Variants in ANKRD31 observed in about 807,000 individuals in gnomAD.
ANKRD31 encodes the protein ankyrin repeat domain 31.
A neutral mutation model predicts 186.0 loss-of-function variants in ANKRD31; 147 were observed. The observed-to-expected ratio is 0.79, with a 90% CI of 0.69 to 0.91. ANKRD31 has a LOEUF of 0.91. ANKRD31 is among the 40% of genes least tolerant of loss of function. The probability of loss-of-function intolerance (pLI) is 0.00; values close to 1 mark genes in which losing one functional copy is unlikely to be tolerated. For missense variants in ANKRD31, 1,986 were observed against 2,148.8 expected (o/e 0.92, Z 1.50); for synonymous variants, 673 against 736.4 (o/e 0.91, Z 1.39).
At chr5:75,084,441 T>C in intron 23 of ANKRD31, 67 bp from the exon 24 acceptor site, 5 of 1,167,012 alleles carry the variant, frequency 4.3e-6, no homozygotes, top group East Asian at 5.1e-5. Context: ...ACCTATGTCC[T>C]GAACATTGTA....
At chr5:75,227,807 G>A (rs1201436012) in intron 2 of ANKRD31, among the ~76,000 whole-genome samples, 3 of 152,222 alleles carry the variant, frequency 2.0e-5, no homozygotes, top group Non-Finnish European at 4.4e-5. Context: ...GTAAGCAGCA[G>A]GCAAGCCAGC....
intron 11 of ANKRD31, among the ~76,000 whole-genome samples, chr5:75,159,560 G>T (rs1323559655): frequency 1.3e-5 from 2 of 151,620 alleles, no homozygotes; most frequent in African/African-American, 2.4e-5. Flanking sequence ...ATGAGGTCCA[G>T]AGACAATGGG....
intron 7 of ANKRD31, 61 bp downstream of exon 7, chr5:75,195,570 G>T: frequency 1.5e-6 from 2 of 1,352,788 alleles, no homozygotes; most frequent in Non-Finnish European, 2.0e-6. Flanking sequence ...TTGTCCTATA[G>T]CTCAGCTAAC....
intron 19 of ANKRD31, among the ~76,000 whole-genome samples, chr5:75,114,578 C>T (rs949950586): frequency 1.9e-4 from 29 of 151,892 alleles, no homozygotes; most frequent in Admixed American, 5.3e-4. Flanking sequence ...ATACAATCAA[C>T]GTACAAAAAT....
At position 75,104,248 on chromosome 5, in the gene ANKRD31, T is replaced by C. The variant is rs1358904342; in HGVS notation, c.5311A>G (p.Ile1771Val). The part of the protein sequence containing the change: ...LLGRINPGNN[I>V]LEFKTQETTH... ...AATACCTGTGTTTTGAATTCCAGAA[T>C]GTTATTTCCTGGGTTAATTCTTCCT... Residue 1771 changes from isoleucine (I) to valine (V), a missense_variant, in exon 22 of 26, where the codon ATT (isoleucine) becomes GTT (valine). By Grantham distance (29) the Ile-to-Val change is conservative. Transcript: ENST00000506364. 1.3e-6 allele frequency: 2 copies of C among 1,508,078 alleles called. No individual in the cohort carries two copies. Among genetic ancestry groups the C allele is most frequent in the East Asian group, 2.5e-5 (1 of 40,614 alleles). 93.4% of individuals were successfully genotyped at this position (1,508,078 alleles called of 1,614,324 possible).
intron 11 of ANKRD31, among the ~76,000 whole-genome samples, chr5:75,154,733 T>C (rs930740863): frequency 6.6e-6 from 1 of 152,026 alleles, no homozygotes; most frequent in Non-Finnish European, 1.5e-5. Flanking sequence ...AGTTAGCAAA[T>C]ACACCAAGAA....
chr5:75,172,365 T>TAA (rs35258134), intron 10 of ANKRD31, among the ~76,000 whole-genome samples: 164 of 145,440 alleles, frequency 1.1e-3, no homozygotes, highest in African/African-American at 2.9e-3. Context: ...AAACTCTATT[T>TAA]AAAAAAAAAA....
Position 75,188,603 on chromosome 5 carries a change from C to T in ANKRD31, c.1454G>A (p.Arg485Lys). The change falls in exon 10 of 26, where the codon AGA (arginine) becomes AAA (lysine). Residue 485 changes from arginine to lysine, a missense_variant. Arg to Lys is a conservative substitution (Grantham distance 26). Transcript: ENST00000506364. ...TACTAAGTTCTCTCCAAAAATGTTT[C>T]TCCGGTTAATGCTATGAAGAGATAT... Reference protein sequence around the residue: ...NKISLHSINRRNIFGENLVYK... With the variant: ...NKISLHSINRKNIFGENLVYK... 1 of 1,535,956 alleles carries T rather than the reference C, an allele frequency of 6.5e-7. No homozygotes were observed. The highest frequency in any genetic ancestry group is 8.7e-7 in the Non-Finnish European group (1 of 1,146,300).
At chr5:75,214,885 T>C (rs1212924767) in intron 3 of ANKRD31, among the ~76,000 whole-genome samples, 1 of 152,226 alleles carries the variant, frequency 6.6e-6, no homozygotes, top group Admixed American at 6.5e-5. Flanking sequence ...AGACCAGTGA[T>C]GCCCACTGTA....
chr5:75,209,452 G>A (rs1423513253), intron 4 of ANKRD31, among the ~76,000 whole-genome samples: 1 of 135,392 alleles, frequency 7.4e-6, no homozygotes. Context: ...CCAGGCAGGT[G>A]GATCACTTGA....
chr5:75,082,618 T>C (rs752803672), intron 24 of ANKRD31, among the ~76,000 whole-genome samples: 12 of 152,344 alleles, frequency 7.9e-5, no homozygotes, highest in Non-Finnish European at 1.6e-4. Context: ...AGGGTATTAG[T>C]TTACTCTAAT....
intron 10 of ANKRD31, among the ~76,000 whole-genome samples, chr5:75,179,449 C>G (rs1754096203): frequency 1.3e-5 from 2 of 152,118 alleles, no homozygotes; most frequent in Non-Finnish European, 2.9e-5. Context: ...AATTTTAGAC[C>G]AATATCCTTG....
chr5:75,076,873 C>A (rs6865346), intron 25 of ANKRD31, among the ~76,000 whole-genome samples: 1 of 152,038 alleles, frequency 6.6e-6, no homozygotes. Context: ...TATCATATCA[C>A]AATTCTGGAT....
At chr5:75,211,533 G>A (rs1481083824) in intron 3 of ANKRD31, among the ~76,000 whole-genome samples, 2 of 152,142 alleles carry the variant, frequency 1.3e-5, no homozygotes, top group African/African-American at 4.8e-5. Context: ...AATCATTAAG[G>A]TGATTCTATG....
At chr5:75,156,458 C>T (rs1014173946) in intron 11 of ANKRD31, among the ~76,000 whole-genome samples, 18 of 152,116 alleles carry the variant, frequency 1.2e-4, no homozygotes, top group Non-Finnish European at 4.4e-5. Context: ...AAAGTTCCTC[C>T]GCACTTATCG....
At chr5:75,105,826 A>G (rs1021482452) in intron 21 of ANKRD31, among the ~76,000 whole-genome samples, 2 of 152,158 alleles carry the variant, frequency 1.3e-5, no homozygotes, top group African/African-American at 4.8e-5. Flanking sequence ...CTACCGAGGA[A>G]AGCATCATTC....
chr5:75,177,906 G>A (rs903777923), intron 10 of ANKRD31, among the ~76,000 whole-genome samples: 1 of 152,052 alleles, frequency 6.6e-6, no homozygotes, highest in Non-Finnish European at 1.5e-5. Flanking sequence ...ATGTAAATGG[G>A]CTAAATGCTC....
At chr5:75,116,484 G>T (rs1748279570) in intron 19 of ANKRD31, 82 bp downstream of exon 19, 1 of 598,570 alleles carries the variant, frequency 1.7e-6, no homozygotes, top group Non-Finnish European at 2.5e-6. Context: ...GGAAAGTACT[G>T]CCATTAGCCA....
chr5:75,137,248 G>A (rs1750661395), intron 17 of ANKRD31, among the ~76,000 whole-genome samples: 2 of 152,026 alleles, frequency 1.3e-5, no homozygotes. Context: ...GGTCTATATT[G>A]TCTATGGATA....
Sources: allele counts gnomAD v4.1 joint callset (sites outside exome capture counted in the v4.1 genomes callset), GRCh38; gene constraint gnomAD v4.1.1; transcripts MANE v1.5; gene names NCBI Gene and HGNC (gene_info 2026-07-23, HGNC 2026-07-21).